GALNTL6: variants seen among roughly 807,000 people sequenced by gnomAD.
GALNTL6 encodes polypeptide N-acetylgalactosaminyltransferase-like 6.
A neutral mutation model predicts 73.7 loss-of-function variants in GALNTL6; 46 were observed. That is an observed-to-expected ratio of 0.62 (90% CI 0.49 to 0.80). The LOEUF is 0.80. Among genes scored for constraint, GALNTL6 ranks in the 30% least tolerant of loss-of-function variants. GALNTL6 has a pLI of 0.00. For missense variants in GALNTL6, 604 were observed against 755.0 expected, an observed-to-expected ratio of 0.80 and a Z score of 2.34; for synonymous variants, 259 against 263.7, an observed-to-expected ratio of 0.98 and a Z score of 0.17.
chr4:172,335,097 G>A (rs1578966403), intron 4 of GALNTL6, among the ~76,000 whole-genome samples: 2 of 151,260 alleles, frequency 1.3e-5, no homozygotes, highest in South Asian at 2.1e-4. Context: ...ACAGGCACCC[G>A]CCACCACGCC....
At chr4:172,383,560 T>C (rs1379979396) in intron 5 of GALNTL6, among the ~76,000 whole-genome samples, 1 of 152,178 alleles carries the variant, frequency 6.6e-6, no homozygotes, top group Non-Finnish European at 1.5e-5. Context: ...CGATTTTGCC[T>C]CTTTCCAATC....
At chr4:172,197,090 G>C (rs749363175) in intron 2 of GALNTL6, among the ~76,000 whole-genome samples, 11 of 152,196 alleles carry the variant, frequency 7.2e-5, no homozygotes, top group Non-Finnish European at 1.5e-4. Context: ...CTTCATCAAA[G>C]TCTTAGGATA....
intron 2 of GALNTL6, among the ~76,000 whole-genome samples, chr4:171,858,462 A>G (rs1735747186): frequency 6.6e-6 from 1 of 151,946 alleles, no homozygotes; most frequent in African/African-American, 2.4e-5. Flanking sequence ...TATTACATAA[A>G]TTATTTGATT....
chr4:172,682,960 A>G (rs1732712292), intron 5 of GALNTL6, among the ~76,000 whole-genome samples: 1 of 152,162 alleles, frequency 6.6e-6, no homozygotes, highest in South Asian at 2.1e-4. Flanking sequence ...AATCTTTATA[A>G]CACAACTTTA....
intron 3 of GALNTL6, among the ~76,000 whole-genome samples, chr4:172,293,956 T>C (rs1444214084): frequency 6.6e-6 from 1 of 151,580 alleles, no homozygotes; most frequent in Non-Finnish European, 1.5e-5. Context: ...CCATGACCAT[T>C]TCAGGGTCTC....
intron 5 of GALNTL6, among the ~76,000 whole-genome samples, chr4:172,560,031 C>G (rs978985718): frequency 2.6e-5 from 4 of 152,104 alleles, no homozygotes; most frequent in Non-Finnish European, 4.4e-5. Context: ...AATTAATGTT[C>G]AACTTGCATC....
chr4:172,592,323 C>A (rs780614318), intron 5 of GALNTL6, among the ~76,000 whole-genome samples: 2 of 152,130 alleles, frequency 1.3e-5, no homozygotes, highest in African/African-American at 2.4e-5. Context: ...GAGGGAGAAG[C>A]CTTTTACTAC....
chr4:172,154,295 C>T (rs765434727), intron 2 of GALNTL6, among the ~76,000 whole-genome samples: 14 of 152,004 alleles, frequency 9.2e-5, no homozygotes, highest in Admixed American at 3.3e-4. Context: ...TGCAATGGCG[C>T]GATCTCCGCT....
chr4:172,535,190 A>C (rs546293648), intron 5 of GALNTL6, among the ~76,000 whole-genome samples: 41 of 152,352 alleles, frequency 2.7e-4, no homozygotes, highest in African/African-American at 9.4e-4. Context: ...TAGTATTAAA[A>C]TCAAAACCAT....
chr4:172,284,641 T>A (rs552886424), intron 3 of GALNTL6, among the ~76,000 whole-genome samples: 23 of 152,340 alleles, frequency 1.5e-4, no homozygotes, highest in African/African-American at 4.8e-4. Flanking sequence ...AAGTCTTTCA[T>A]CCATTTTGTG....
intron 7 of GALNTL6, among the ~76,000 whole-genome samples, chr4:172,877,358 G>C (rs1020621575): frequency 6.6e-6 from 1 of 151,764 alleles, no homozygotes; most frequent in Non-Finnish European, 1.5e-5. Context: ...GTGAAATAGA[G>C]AATATTAGGA....
At chr4:172,191,219 C>T (rs372318825) in intron 2 of GALNTL6, among the ~76,000 whole-genome samples, 68 of 152,308 alleles carry the variant, frequency 4.5e-4, no homozygotes, top group African/African-American at 1.6e-3. Context: ...CTTGAAACCA[C>T]TATGGTCTCA....
chr4:172,753,030 T>C (rs952731765), intron 5 of GALNTL6, among the ~76,000 whole-genome samples: 7 of 152,200 alleles, frequency 4.6e-5, no homozygotes, highest in Admixed American at 3.9e-4. Context: ...ACATGTGAAT[T>C]GATATGGTTT....
chr4:172,528,490 TG>T (rs1735048142), intron 5 of GALNTL6, among the ~76,000 whole-genome samples: 2 of 151,180 alleles, frequency 1.3e-5, no homozygotes, highest in South Asian at 4.2e-4. Flanking sequence ...CCCAAGTAGC[TG>T]GGACTACAGG....
At chr4:172,594,255 G>A (rs1737763841) in intron 5 of GALNTL6, among the ~76,000 whole-genome samples, 1 of 152,240 alleles carries the variant, frequency 6.6e-6, no homozygotes, top group South Asian at 2.1e-4. Flanking sequence ...CTGAGGCAGA[G>A]AACTGCTTGA....
chr4:172,606,676 C>G (rs562141209), intron 5 of GALNTL6, among the ~76,000 whole-genome samples: 7,651 of 43,638 alleles, frequency 0.18, 499 homozygotes, highest in South Asian at 0.4. Context: ...TATATATATA[C>G]TATATATATA....
intron 5 of GALNTL6, among the ~76,000 whole-genome samples, chr4:172,592,670 G>GTCTATCTATCTATCTATCTATCTATCTA (rs5864141): frequency 7.0e-6 from 1 of 141,976 alleles, no homozygotes; most frequent in Non-Finnish European, 1.5e-5. Flanking sequence ...CTGTCTGTCT[G>GTCTATCTATCTATCTATCTATCTATCTA]TCTATCTATC....
chr4:172,075,645 A>T (rs1365975171), intron 2 of GALNTL6, among the ~76,000 whole-genome samples: 1 of 152,130 alleles, frequency 6.6e-6, no homozygotes, highest in Non-Finnish European at 1.5e-5. Context: ...CCCAACAGGT[A>T]TCTTAAAAAA....
chr4:172,369,785 C>A (rs545708681), intron 5 of GALNTL6, among the ~76,000 whole-genome samples: 2 of 152,168 alleles, frequency 1.3e-5, no homozygotes, highest in African/African-American at 4.8e-5. Context: ...ACCGAGCCTG[C>A]GCCCACCTGG....
Sources: gnomAD v4.1 joint callset for allele counts (sites outside exome capture counted in the v4.1 genomes callset) on GRCh38, gnomAD v4.1.1 for gene constraint, MANE v1.5 for transcripts, NCBI Gene and HGNC (gene_info 2026-07-23, HGNC 2026-07-21) for gene names.